Variants in RCL1 observed in about 807,000 individuals in gnomAD.
The protein encoded by RCL1 is RNA 3'-terminal phosphate cyclase-like protein.
RCL1 carries 24 observed loss-of-function variants against 42.4 expected under a neutral mutation model. The observed-to-expected ratio is 0.57, with a 90% CI of 0.41 to 0.80. The LOEUF is 0.80. Among genes scored for constraint, RCL1 ranks in the 30% least tolerant of loss-of-function variants. The probability of loss-of-function intolerance (pLI) is 0.00; values close to 1 mark genes in which losing one functional copy is unlikely to be tolerated. For synonymous variants in RCL1, 228 were observed against 177.3 expected (o/e 1.29, Z -2.27); for missense variants, 578 against 467.9 (o/e 1.24, Z -2.17).
At chr9:4,806,017 G>GGTGT (rs58494209) in intron 1 of RCL1, among the ~76,000 whole-genome samples, 29,191 of 142,208 alleles carry the variant, frequency 0.21, 2,981 homozygotes, top group South Asian at 0.29. Context: ...ATACCATTGG[G>GGTGT]GTGTGTGTGT....
At chr9:4,833,065 C>T (rs1226151839) in intron 3 of RCL1, 89 bp from the exon 4 acceptor site, 6 of 844,268 alleles carry the variant, frequency 7.1e-6, no homozygotes, top group Non-Finnish European at 1.2e-5. Flanking sequence ...GCATCATCTA[C>T]CTGGTTGCTA....
At chr9:4,830,808 C>T (rs980581839) in intron 3 of RCL1, among the ~76,000 whole-genome samples, 6 of 152,042 alleles carry the variant, frequency 3.9e-5, no homozygotes, top group African/African-American at 1.4e-4. Flanking sequence ...CTTTTTTTAG[C>T]ATAGATTGAT....
intron 7 of RCL1, among the ~76,000 whole-genome samples, chr9:4,849,011 T>C (rs923003671): frequency 1.3e-5 from 2 of 152,186 alleles, no homozygotes; most frequent in African/African-American, 2.4e-5. Context: ...TAGACTGTGT[T>C]GTTCTGTGAC....
intron 3 of RCL1, among the ~76,000 whole-genome samples, chr9:4,828,165 CAAA>C (rs147771721): frequency 7.9e-5 from 4 of 50,748 alleles, no homozygotes; most frequent in African/African-American, 1.9e-4. Context: ...GACTCCGTCT[CAAA>C]AAAAAAAAAA....
In RCL1 at chr9:4,835,943, G is replaced by C. The variant is rs888071399; in HGVS notation, c.584+1678G>C. Among the ~76,000 whole-genome samples, 12 of 152,280 alleles carry C rather than the reference G, an allele frequency of 7.9e-5. No homozygotes were observed. The Middle Eastern group carries it at 0.01, about 129-fold the overall frequency. On this transcript the variant is annotated intron_variant, in intron 5 of 8. Transcript: ENST00000381750. ...TTCAAGGCCACAGGCATACGGTAAG[G>C]GTGGCTCCAGGTAGAGCTGTGTGGA... is the stretch of plus-strand genomic sequence containing the variant.
chr9:4,834,100 T>C, intron 4 of RCL1, 41 bp from the exon 5 acceptor site: 5 of 1,599,036 alleles, frequency 3.1e-6, no homozygotes, highest in Non-Finnish European at 4.3e-6. Context: ...AATCCATTGC[T>C]TTGCTGCATC....
intron 8 of RCL1, chr9:4,850,413 G>T: frequency 4.0e-6 from 2 of 494,238 alleles, no homozygotes; most frequent in South Asian, 1.5e-5. Context: ...CTGCGGTGGG[G>T]CTATGCACCC....
At chr9:4,840,006 G>C in intron 5 of RCL1, 1 of 598,006 alleles carries the variant, frequency 1.7e-6, no homozygotes, top group Non-Finnish European at 2.1e-6. Flanking sequence ...ATGGTGCAGA[G>C]CTGAAGATGG....
Position 4,841,271 on chromosome 9 carries a change from T to C in RCL1, c.624T>C (p.Ile208=). The change falls in exon 6 of 9, where the codon ATT becomes ATC. Residue 208 remains isoleucine (I), a synonymous_variant. Coordinates refer to ENST00000381750, the MANE Select transcript of RCL1 (RefSeq NM_005772.5). The part of the protein sequence containing the change: ...VRVSPQMANR[I]VDSARSILNK... ...TGTCACCTCAGATGGCGAACCGGAT[T>C]GTGGATTCTGCAAGGAGCATCCTCA... 6.2e-7 allele frequency: 1 copy of C among 1,613,704 alleles called. No individual in the cohort carries two copies. Among genetic ancestry groups the C allele is most frequent in the South Asian group, 1.1e-5 (1 of 91,078 alleles).
At chr9:4,827,308 A>G (rs1358969459) in intron 3 of RCL1, 1 of 1,174,128 alleles carries the variant, frequency 8.5e-7, no homozygotes, top group Non-Finnish European at 1.2e-6. Flanking sequence ...ATCATAGTTG[A>G]CATGAACTAT....
chr9:4,795,708 G>T (rs1842902971), intron 1 of RCL1, among the ~76,000 whole-genome samples: 1 of 152,190 alleles, frequency 6.6e-6, no homozygotes, highest in Non-Finnish European at 1.5e-5. Context: ...TCTTCAAGGT[G>T]CTTGCTTAAA....
At chr9:4,801,197 G>A (rs1027047772) in intron 1 of RCL1, among the ~76,000 whole-genome samples, 1 of 151,942 alleles carries the variant, frequency 6.6e-6, no homozygotes, top group Non-Finnish European at 1.5e-5. Flanking sequence ...TTTGAGATAG[G>A]GTCTTGCTTT....
At chr9:4,801,410 C>G (rs1019595288) in intron 1 of RCL1, among the ~76,000 whole-genome samples, 7 of 152,118 alleles carry the variant, frequency 4.6e-5, no homozygotes, top group African/African-American at 1.7e-4. Context: ...GGCCTCAAGC[C>G]ATCTTTCTGC....
intron 3 of RCL1, among the ~76,000 whole-genome samples, chr9:4,832,245 G>A (rs1816965261): frequency 6.6e-6 from 1 of 152,202 alleles, no homozygotes; most frequent in South Asian, 2.1e-4. Flanking sequence ...AACTATGGAT[G>A]TTGTAACTAA....
At chr9:4,842,919 C>T (rs1817384752) in intron 6 of RCL1, among the ~76,000 whole-genome samples, 1 of 152,212 alleles carries the variant, frequency 6.6e-6, no homozygotes, top group African/African-American at 2.4e-5. Flanking sequence ...GCCATCCTGC[C>T]ACCAGCTTAT....
intron 1 of RCL1, among the ~76,000 whole-genome samples, chr9:4,803,217 G>C (rs1362338952): frequency 6.6e-6 from 1 of 152,100 alleles, no homozygotes; most frequent in Non-Finnish European, 1.5e-5. Flanking sequence ...GAAGACAAAA[G>C]TAGATTTTCC....
At chr9:4,804,614 C>G (rs1033551707) in intron 1 of RCL1, 1 of 152,808 alleles carries the variant, frequency 6.5e-6, no homozygotes, top group African/African-American at 2.4e-5. Flanking sequence ...GGCCCACACT[C>G]CCGGCTGTAG....
chr9:4,801,920 CT>C (rs751952837), intron 1 of RCL1, among the ~76,000 whole-genome samples: 3 of 149,666 alleles, frequency 2.0e-5, no homozygotes, highest in East Asian at 1.9e-4. Context: ...GTCTTTTTTT[CT>C]TTTTTTTTGA....
At chr9:4,817,361 GTTTTTTA>G (rs1816418150) in intron 1 of RCL1, among the ~76,000 whole-genome samples, 1 of 150,656 alleles carries the variant, frequency 6.6e-6, no homozygotes, top group Non-Finnish European at 1.5e-5. Context: ...TTAATTATAT[GTTTTTTA>G]TTTTTTATTT....
Sources: gnomAD v4.1 joint callset for allele counts (sites outside exome capture counted in the v4.1 genomes callset) on GRCh38, gnomAD v4.1.1 for gene constraint, MANE v1.5 for transcripts, NCBI Gene and HGNC (gene_info 2026-07-23, HGNC 2026-07-21) for gene names.